The following ARHGAP8 variants were observed in gnomAD, a reference collection of about 807,000 sequenced individuals.
ARHGAP8 encodes the protein Rho GTPase activating protein 8, also known as rho GTPase-activating protein 8.
ARHGAP8 carries 62 observed loss-of-function variants against 46.1 expected under a neutral mutation model. The observed-to-expected ratio is 1.34, with a 90% CI of 1.10 to 1.66. The LOEUF is 1.66. ARHGAP8 is among the 40% of genes most tolerant of loss of function. The pLI, the probability that ARHGAP8 is intolerant of heterozygous loss-of-function variation, is 0.00. For missense variants in ARHGAP8, 923 were observed against 568.4 expected (o/e 1.62, Z -6.34); for synonymous variants, 375 against 243.1 (o/e 1.54, Z -5.05).
intron 1 of ARHGAP8, among the ~76,000 whole-genome samples, chr22:44,778,826 C>T (rs759548250): frequency 2.1e-4 from 32 of 152,080 alleles, no homozygotes; most frequent in Non-Finnish European, 3.8e-4. Context: ...TTCATTTCTG[C>T]CCCCAGTTCT....
intron 4 of ARHGAP8, among the ~76,000 whole-genome samples, chr22:44,813,260 A>C (rs1929466539): frequency 6.6e-6 from 1 of 151,766 alleles, no homozygotes; most frequent in Admixed American, 6.6e-5. Context: ...ACACTTACAC[A>C]CACACACACA....
chr22:44,769,784 G>A lies in ARHGAP8; in HGVS notation c.-71-16673G>A, dbSNP rs1022807933. ...CAATTCATTGAGACCGCAGGATTGC[G>A]GTAAAGAAACAGTTTCATTGATTCA... On this transcript the variant is annotated intron_variant, in intron 1 of 11. Coordinates refer to ENST00000356099, the MANE Select transcript of ARHGAP8 (RefSeq NM_181335.3). 3.3e-5 allele frequency among the ~76,000 whole-genome samples: 5 copies of A among 152,146 alleles called. No individual in the cohort carries two copies. The East Asian group carries it at 5.8e-4, about 18-fold the overall frequency.
intron 3 of ARHGAP8, among the ~76,000 whole-genome samples, chr22:44,806,913 G>T (rs111747852): frequency 6.7e-6 from 1 of 148,156 alleles, no homozygotes; most frequent in African/African-American, 2.5e-5. Flanking sequence ...GCAGTGAGCC[G>T]AGATCACACC....
At chr22:44,764,449 G>A (rs1051588536) in intron 1 of ARHGAP8, among the ~76,000 whole-genome samples, 2 of 152,226 alleles carry the variant, frequency 1.3e-5, no homozygotes, top group South Asian at 4.1e-4. Flanking sequence ...AGGGTCGGCT[G>A]CGGTGGTCCG....
At chr22:44,799,354 C>T (rs1428690938) in intron 2 of ARHGAP8, among the ~76,000 whole-genome samples, 2 of 152,234 alleles carry the variant, frequency 1.3e-5, no homozygotes, top group Admixed American at 6.5e-5. Flanking sequence ...CCATATGCAA[C>T]GGCATGTCCA....
chr22:44,756,725 C>G (rs981053505), intron 1 of ARHGAP8, among the ~76,000 whole-genome samples: 1 of 151,682 alleles, frequency 6.6e-6, no homozygotes, highest in Non-Finnish European at 1.5e-5. Context: ...AGTTGAATCC[C>G]TTTTCTAAAA....
chr22:44,820,072 T>A lies in ARHGAP8; in HGVS notation c.387-2299T>A, dbSNP rs149278760. Among the ~76,000 whole-genome samples, 124 of 125,598 alleles carry A rather than the reference T, an allele frequency of 9.9e-4. 4 individuals are homozygous for A. In the East Asian group the frequency reaches 0.029, roughly 29 times the overall value. 82.4% of individuals were successfully genotyped at this position (125,598 alleles called of 152,430 possible). A position where few individuals can be genotyped will look rare whatever the true frequency, so the allele number is the denominator to read the frequency against. ...TTGTAAATGAAGGAAGTAGAGGAAC[T>A]CTGAGGCCCTGGGTCTCGCCAGACC... On this transcript the variant is annotated intron_variant, in intron 5 of 11. Transcript: ENST00000356099.
Position 44,862,579 on chromosome 22 carries a change from C to T in ARHGAP8, c.1286C>T (p.Ala429Val). 11 of 1,585,488 alleles carry T rather than the reference C, an allele frequency of 6.9e-6. No individual in the cohort carries two copies. Among genetic ancestry groups the T allele is most frequent in the Non-Finnish European group, 8.6e-6 (10 of 1,160,396 alleles). Residue 429 changes from alanine to valine, a missense_variant, in exon 12 of 12, where the codon GCC becomes GTC. Transcript: ENST00000356099. The stretch of plus-strand genomic sequence containing the variant: ...CTACCTCCGAGTCCCCTGATGGCAG[C>T]CAGAAGACGTCTCTAGTGTTGCGAA... ...PTLPPSPLMAARRRL is the reference protein window; with the variant it reads ...PTLPPSPLMAVRRRL
In ARHGAP8 at chr22:44,766,488, CTG is replaced by C. The variant is rs538717943; in HGVS notation, c.-72+13865_-72+13866del. 7.1e-3 allele frequency among the ~76,000 whole-genome samples: 1,076 copies of C among 151,628 alleles called. 15 individuals are homozygous for C. The highest frequency in any genetic ancestry group is 0.025 in the African/African-American group (1,038 of 41,316). On this transcript the variant is annotated intron_variant, in intron 1 of 11. Transcript: ENST00000356099. ...CGTGTCTCTGTGCATATGTGTGTCT[CTG>C]TGTACGTGTGTCTCTGTGCATGTCT...
At chr22:44,860,373 C>T (rs1036471588) in intron 11 of ARHGAP8, among the ~76,000 whole-genome samples, 3 of 152,116 alleles carry the variant, frequency 2.0e-5, no homozygotes, top group African/African-American at 4.8e-5. Context: ...GGTTCCCCTT[C>T]CTGGCCTCTC....
chr22:44,845,915 T>C (rs136679), intron 8 of ARHGAP8, among the ~76,000 whole-genome samples: 60,525 of 151,932 alleles, frequency 0.4, 12,258 homozygotes, highest in Middle Eastern at 0.43. Context: ...AGGGAGGCTT[T>C]CCTGGCACCA....
At chr22:44,762,462 T>G (rs1444833196) in intron 1 of ARHGAP8, among the ~76,000 whole-genome samples, 1 of 151,460 alleles carries the variant, frequency 6.6e-6, no homozygotes, top group Non-Finnish European at 1.5e-5. Context: ...CTTTGTTAGG[T>G]CTTTGTCCCT....
chr22:44,858,693 G>A lies in ARHGAP8; in HGVS notation c.878-1038G>A, dbSNP rs1284725472. Among the ~76,000 whole-genome samples, 4 of 151,288 alleles carry A rather than the reference G, an allele frequency of 2.6e-5. No homozygotes were observed. The South Asian group carries it at 6.3e-4, about 24-fold the overall frequency. On this transcript the variant is annotated intron_variant, in intron 10 of 11. Transcript: ENST00000356099. Reference sequence around the variant, plus strand: ...GCTGGTTGGTGGGTTTTGACTGGAAGGCTATGGAGCTCCAGTGGTAGATGT... The same window carrying A: ...GCTGGTTGGTGGGTTTTGACTGGAAAGCTATGGAGCTCCAGTGGTAGATGT...
chr22:44,862,481 A>C lies in ARHGAP8; in HGVS notation c.1188A>C (p.Glu396Asp), dbSNP rs781228108. Reference protein sequence around the residue: ...APGEHGLAPWEQGSRAAPLQE... With the variant: ...APGEHGLAPWDQGSRAAPLQE... ...GGGAGCACGGCCTGGCACCATGGGA[A>C]CAGGGGAGCAGGGCAGCCCCTTTGC... The change falls in exon 12 of 12, where the codon GAA becomes GAC. Residue 396 changes from glutamate to aspartate, a missense_variant. Coordinates refer to ENST00000356099, the MANE Select transcript of ARHGAP8 (RefSeq NM_181335.3). 13 of 1,613,470 alleles carry C rather than the reference A, an allele frequency of 8.1e-6. No homozygotes were observed. The highest frequency in any genetic ancestry group is 3.3e-5 in the South Asian group (3 of 91,074).
chr22:44,836,109 G>A (rs557684903), intron 7 of ARHGAP8, among the ~76,000 whole-genome samples: 1 of 152,240 alleles, frequency 6.6e-6, no homozygotes, highest in South Asian at 2.1e-4. Context: ...CTGCAAAGAG[G>A]GGCAGCCCTG....
chr22:44,858,342 TTGG>T lies in ARHGAP8; in HGVS notation c.878-1386_878-1384del, dbSNP rs550788146. Among the ~76,000 whole-genome samples the T allele has an allele frequency of 3.4e-3, 514 of 150,510 alleles. 6 individuals are homozygous for T. Among genetic ancestry groups the T allele is most frequent in the African/African-American group, 0.011 (472 of 41,168 alleles). ...TCACACATGCACCCGCAGCGGGAACTTGGTGAATACTTGTTGGTTGGTGGTGGT... is the reference window on the plus strand; with the variant it reads ...TCACACATGCACCCGCAGCGGGAACTTGAATACTTGTTGGTTGGTGGTGGT... On this transcript the variant is annotated intron_variant, in intron 10 of 11. Transcript: ENST00000356099.
intron 3 of ARHGAP8, among the ~76,000 whole-genome samples, chr22:44,806,642 A>G (rs1465656683): frequency 6.6e-6 from 1 of 151,992 alleles, no homozygotes; most frequent in South Asian, 2.1e-4. Context: ...GTCAGAGGGC[A>G]CTCTGACATC....
At chr22:44,802,582 A>G (rs944313034) in intron 3 of ARHGAP8, among the ~76,000 whole-genome samples, 2 of 152,182 alleles carry the variant, frequency 1.3e-5, no homozygotes, top group African/African-American at 4.8e-5. Flanking sequence ...AGTTTCCTGT[A>G]GTGGCCATAA....
In ARHGAP8 at chr22:44,862,748, G is replaced by C. The variant is rs557692064; in HGVS notation, c.*153G>C. On this transcript the variant is annotated 3_prime_UTR_variant, in exon 12 of 12. Transcript: ENST00000356099. ...CCATGCCTCTGGTCCTTGGACTCTTGTCCATGGTTCCTGAGCTGTGGACCG... is the reference window on the plus strand; with the variant it reads ...CCATGCCTCTGGTCCTTGGACTCTTCTCCATGGTTCCTGAGCTGTGGACCG... The C allele has an allele frequency of 1.6e-5, 15 of 939,544 alleles. No individual in the cohort carries two copies. The highest frequency in any genetic ancestry group is 1.3e-4 in the African/African-American group (8 of 60,854). 58.2% of individuals were successfully genotyped at this position (939,544 alleles called of 1,614,324 possible).
Sources: gnomAD v4.1 joint callset for allele counts (sites outside exome capture counted in the v4.1 genomes callset) on GRCh38, gnomAD v4.1.1 for gene constraint, MANE v1.5 for transcripts, NCBI Gene and HGNC (gene_info 2026-07-23, HGNC 2026-07-21) for gene names.